CRYBG3: variants seen among roughly 807,000 people sequenced by gnomAD.
The protein encoded by CRYBG3 is very large A-kinase anchor protein.
CRYBG3 carries 127 observed loss-of-function variants against 244.2 expected under a neutral mutation model. That is an observed-to-expected ratio of 0.52 (90% CI 0.45 to 0.60). The LOEUF (loss-of-function observed/expected upper bound fraction) is 0.60, where lower values mean the gene tolerates loss of function less well. CRYBG3 is among the 20% of genes least tolerant of loss of function. CRYBG3 has a pLI of 0.00. For missense variants in CRYBG3, 3,325 were observed against 3,442.5 expected (o/e 0.97, Z 0.85); for synonymous variants, 1,132 against 1,195.8 (o/e 0.95, Z 1.10).
At chr3:97,896,958 G>T (rs2039646897) in intron 12 of CRYBG3, among the ~76,000 whole-genome samples, 1 of 152,066 alleles carries the variant, frequency 6.6e-6, no homozygotes, top group East Asian at 1.9e-4. Flanking sequence ...ATAATGAAGG[G>T]CCATATTGAG....
rs963605730 is a variant in CRYBG3, at chr3:97,944,598, T to C, written c.*1284T>C. 1.3e-5 allele frequency: 2 copies of C among 152,370 alleles called. No homozygotes were observed. The highest frequency in any genetic ancestry group is 4.8e-5 in the African/African-American group (2 of 41,412). 9.4% of individuals were successfully genotyped at this position (152,370 alleles called of 1,614,324 possible). A position where few individuals can be genotyped will look rare whatever the true frequency, so the allele number is the denominator to read the frequency against. On this transcript the variant is annotated 3_prime_UTR_variant, in exon 22 of 22. Coordinates refer to ENST00000389622, the MANE Select transcript of CRYBG3 (RefSeq NM_153605.4). ...ATAGACTTTAAATACTGGGTTTTTT[T>C]CCTCCTTCAATCTCAGGCTTTTCTC...
chr3:97,855,250 T>G (rs1007592379), intron 2 of CRYBG3, among the ~76,000 whole-genome samples: 6 of 152,146 alleles, frequency 3.9e-5, no homozygotes, highest in Non-Finnish European at 5.9e-5. Context: ...AGTATTTTAT[T>G]GGAGATTTTT....
At chr3:97,832,519 C>G (rs2038668572) in intron 1 of CRYBG3, among the ~76,000 whole-genome samples, 1 of 152,034 alleles carries the variant, frequency 6.6e-6, no homozygotes, top group South Asian at 2.1e-4. Flanking sequence ...TAGCCACATG[C>G]AGAAAACTGA....
chr3:97,893,944 GATT>G (rs1354656991), intron 11 of CRYBG3, among the ~76,000 whole-genome samples: 1 of 152,098 alleles, frequency 6.6e-6, no homozygotes, highest in African/African-American at 2.4e-5. Context: ...AAATGTAAGA[GATT>G]ATATATGCTG....
Position 97,896,094 on chromosome 3 carries a change from G to A in CRYBG3, c.7701+9G>A. On this transcript the variant is annotated intron_variant, in intron 12 of 21. Coordinates refer to ENST00000389622, the MANE Select transcript of CRYBG3 (RefSeq NM_153605.4). ...TCCGGTACTTACAAGCTGTGAGTTA[G>A]CTTCCTTATCCTTAATTTTCTACCT... 1 of 1,598,916 alleles carries A rather than the reference G, an allele frequency of 6.3e-7. No homozygotes were observed. Among genetic ancestry groups the A allele is most frequent in the Non-Finnish European group, 8.5e-7 (1 of 1,173,376 alleles).
chr3:97,835,352 A>T (rs2038718000), intron 1 of CRYBG3, among the ~76,000 whole-genome samples: 1 of 152,064 alleles, frequency 6.6e-6, no homozygotes, highest in South Asian at 2.1e-4. Context: ...GGTAGGGTGG[A>T]TATGAAAGGT....
chr3:97,928,163 C>T (rs950250694), intron 17 of CRYBG3, among the ~76,000 whole-genome samples: 1 of 151,918 alleles, frequency 6.6e-6, no homozygotes, highest in Non-Finnish European at 1.5e-5. Flanking sequence ...TACCCATCAA[C>T]GTTGGACTGG....
At chr3:97,895,859 T>G in intron 11 of CRYBG3, 100 bp from the exon 12 acceptor site, 3 of 1,027,316 alleles carry the variant, frequency 2.9e-6, no homozygotes, top group Non-Finnish European at 4.3e-6. Context: ...TTTTACAATA[T>G]GGAGATGAAC....
chr3:97,864,114 A>C (rs986179292), intron 2 of CRYBG3, 103 bp from the exon 3 acceptor site: 10 of 918,112 alleles, frequency 1.1e-5, no homozygotes, highest in Admixed American at 3.0e-5. Flanking sequence ...CTTATTCACA[A>C]ATGTATCCCT....
At chr3:97,848,375 C>G (rs1313051310) in intron 2 of CRYBG3, among the ~76,000 whole-genome samples, 5 of 152,126 alleles carry the variant, frequency 3.3e-5, no homozygotes, top group Non-Finnish European at 7.3e-5. Context: ...GATCTCGGCT[C>G]ACTGAAACCT....
At chr3:97,862,426 G>A (rs2039164022) in intron 2 of CRYBG3, among the ~76,000 whole-genome samples, 1 of 152,114 alleles carries the variant, frequency 6.6e-6, no homozygotes, top group Admixed American at 6.6e-5. Flanking sequence ...GGCGACATAG[G>A]ATGAGCAGCC....
Position 97,877,602 on chromosome 3 carries a change from GA to G in CRYBG3, c.6410del (p.Asn2137IlefsTer27). 6.2e-7 allele frequency: 1 copy of G among 1,614,048 alleles called. No individual in the cohort carries two copies. Among genetic ancestry groups the G allele is most frequent in the South Asian group, 1.1e-5 (1 of 91,064 alleles). The part of the protein sequence containing the change: ...LQSVSERLKM[N>X]FDEDDREAAD... ...AGTCAGTGTCAGAACGTTTAAAGAT[GA>G]ATTTTGATGAAGATGACAGAGAGGC... On this transcript the variant is annotated frameshift_variant, in exon 4 of 22. Transcript: ENST00000389622. LOFTEE classifies it high-confidence loss of function.
intron 15 of CRYBG3, among the ~76,000 whole-genome samples, chr3:97,908,714 G>T (rs1191408473): frequency 6.6e-6 from 1 of 152,136 alleles, no homozygotes; most frequent in East Asian, 1.9e-4. Context: ...TTGCCAGTCT[G>T]TGTCTTTTAA....
At position 97,873,260 on chromosome 3, in the gene CRYBG3, A is replaced by G. The variant is rs2039327013; in HGVS notation, c.2066A>G (p.Asn689Ser). ...GTGCCCATTGAAACTGGGAATGTCAACATTGTTGGTATTTCCTATCAGCCT... is the reference window on the plus strand; with the variant it reads ...GTGCCCATTGAAACTGGGAATGTCAGCATTGTTGGTATTTCCTATCAGCCT... ...SPVPIETGNVNIVGISYQPRK... is the reference protein window; with the variant it reads ...SPVPIETGNVSIVGISYQPRK... The change falls in exon 4 of 22, where the codon AAC becomes AGC. Residue 689 changes from asparagine to serine, a missense_variant. Transcript: ENST00000389622. 2 of 1,535,096 alleles carry G rather than the reference A, an allele frequency of 1.3e-6. No individual in the cohort carries two copies. Among genetic ancestry groups the G allele is most frequent in the African/African-American group, 1.4e-5 (1 of 73,002 alleles).
chr3:97,856,077 C>A (rs1296202635), intron 2 of CRYBG3, among the ~76,000 whole-genome samples: 2 of 152,038 alleles, frequency 1.3e-5, no homozygotes, highest in African/African-American at 4.8e-5. Flanking sequence ...ACAGCCTCGA[C>A]CATAAGATAC....
At chr3:97,858,275 T>C (rs574143654) in intron 2 of CRYBG3, among the ~76,000 whole-genome samples, 1 of 152,064 alleles carries the variant, frequency 6.6e-6, no homozygotes, top group East Asian at 1.9e-4. Context: ...TTCCTTTGTA[T>C]GAGACTTGAC....
rs750331738 is a variant in CRYBG3 at position 97,877,801 on chromosome 3, CCTA to C, written c.6612_6614del (p.Thr2205del). On this transcript the variant is annotated inframe_deletion, in exon 4 of 22. Coordinates refer to ENST00000389622, the MANE Select transcript of CRYBG3 (RefSeq NM_153605.4). ...GAATTCATATGTGATGCCAAATGAA[CCTA>C]CTACCTCCAATCTGCAAGTTGGTCT... The C allele has an allele frequency of 3.7e-6, 6 of 1,614,008 alleles. No homozygotes were observed. The South Asian group carries it at 5.5e-5, about 15-fold the overall frequency.
At chr3:97,846,985 G>C (rs1305080810) in intron 2 of CRYBG3, among the ~76,000 whole-genome samples, 1 of 152,160 alleles carries the variant, frequency 6.6e-6, no homozygotes, top group Non-Finnish European at 1.5e-5. Context: ...GCTCGGCTTT[G>C]GTGGAAATCA....
intron 7 of CRYBG3, among the ~76,000 whole-genome samples, chr3:97,882,301 A>C (rs960438076): frequency 6.6e-6 from 1 of 152,120 alleles, no homozygotes; most frequent in Non-Finnish European, 1.5e-5. Context: ...CTATTCAGGA[A>C]TCTTAGAGAT....
Sources: allele counts gnomAD v4.1 joint callset (sites outside exome capture counted in the v4.1 genomes callset), GRCh38; gene constraint gnomAD v4.1.1; transcripts MANE v1.5; gene names NCBI Gene and HGNC (gene_info 2026-07-23, HGNC 2026-07-21).